Variants in MICU1 observed in about 807,000 individuals in gnomAD.
MICU1 encodes the protein mitochondrial calcium uptake 1, also known as calcium uptake protein 1, mitochondrial.
Under a neutral mutation model 56.8 loss-of-function variants are expected in MICU1, and 45 were observed. The ratio of observed to expected loss-of-function variants is 0.79; its 90% CI spans 0.62 to 1.02. The LOEUF is 1.02. Ranked by LOEUF, MICU1 falls within the 50% of genes least tolerant of loss-of-function variation. MICU1 has a pLI of 0.00. For missense variants in MICU1, 504 were observed against 587.1 expected (o/e 0.86, Z 1.46); for synonymous variants, 186 against 195.1 (o/e 0.95, Z 0.39).
chr10:72,548,845 C>T (rs908933984), intron 4 of MICU1, among the ~76,000 whole-genome samples: 3 of 152,020 alleles, frequency 2.0e-5, no homozygotes, highest in Non-Finnish European at 2.9e-5. Context: ...TACAGGTGTG[C>T]ACCACCACAC....
intron 1 of MICU1, among the ~76,000 whole-genome samples, chr10:72,599,098 G>A (rs1841455409): frequency 6.6e-6 from 1 of 152,058 alleles, no homozygotes; most frequent in Non-Finnish European, 1.5e-5. Flanking sequence ...TTATCCCCAG[G>A]CAGAGCTTCT....
intron 6 of MICU1, among the ~76,000 whole-genome samples, chr10:72,485,528 G>A (rs954940717): frequency 7.3e-5 from 11 of 150,606 alleles, no homozygotes; most frequent in Non-Finnish European, 1.0e-4. Flanking sequence ...CTGTGACGTC[G>A]GTACTATTAA....
intron 1 of MICU1, among the ~76,000 whole-genome samples, chr10:72,581,561 G>A (rs187324847): frequency 6.6e-6 from 1 of 152,140 alleles, no homozygotes; most frequent in East Asian, 1.9e-4. Flanking sequence ...TTGGAAGGTG[G>A]AGGTTGCAGT....
At chr10:72,510,737 G>A (rs1439893896) in intron 5 of MICU1, among the ~76,000 whole-genome samples, 3 of 151,648 alleles carry the variant, frequency 2.0e-5, no homozygotes, top group African/African-American at 4.8e-5. Flanking sequence ...TCTGCCTCCC[G>A]GGTTCAAGCC....
Position 72,498,068 on chromosome 10 carries a change from T to C in MICU1, c.652+10087A>G, listed in dbSNP as rs564095652. Among the ~76,000 whole-genome samples the C allele has an allele frequency of 6.0e-4, 92 of 152,350 alleles. 1 individual carries two copies. Among genetic ancestry groups the C allele is most frequent in the Non-Finnish European group, 1.1e-3 (73 of 68,032 alleles). On this transcript the variant is annotated intron_variant, in intron 6 of 11. Coordinates refer to ENST00000361114, the MANE Select transcript of MICU1 (RefSeq NM_001195518.2). ...AGCTGTTATGGGACACCATCATTCA[T>C]TCATGATTTAATGTGAACATTGCTT...
rs1056303257 is a variant in MICU1 at position 72,375,941 on chromosome 10, T to C, written c.1181-69A>G. ...ATTTTGCTTTCTCTGATTCAGGGGA[T>C]AAAACGACTCAGTCATAATACAAGT... On this transcript the variant is annotated intron_variant, in intron 10 of 11. Transcript: ENST00000361114. 8 of 1,344,876 alleles carry C rather than the reference T, an allele frequency of 5.9e-6. No individual in the cohort carries two copies. In the African/African-American group the frequency reaches 1.2e-4, roughly 20 times the overall value. 83.3% of individuals were successfully genotyped at this position (1,344,876 alleles called of 1,614,324 possible).
chr10:72,422,840 G>C (rs552066757), intron 9 of MICU1, among the ~76,000 whole-genome samples: 3 of 60,728 alleles, frequency 4.9e-5, no homozygotes, highest in African/African-American at 1.7e-4. Flanking sequence ...CCTCTGAGTA[G>C]CTGGGATTAT....
At chr10:72,398,506 C>T (rs1012498999) in intron 10 of MICU1, among the ~76,000 whole-genome samples, 18 of 150,430 alleles carry the variant, frequency 1.2e-4, no homozygotes, top group Non-Finnish European at 4.4e-5. Context: ...ATCTAGGAGC[C>T]GGTTTTTTGA....
intron 10 of MICU1, among the ~76,000 whole-genome samples, chr10:72,389,516 G>T (rs923124204): frequency 3.3e-5 from 5 of 152,154 alleles, no homozygotes; most frequent in Non-Finnish European, 7.3e-5. Flanking sequence ...TAAACTGCAC[G>T]TATAGAATAA....
intron 9 of MICU1, 72 bp downstream of exon 9, chr10:72,423,162 T>C (rs1021306272): frequency 3.2e-6 from 5 of 1,546,966 alleles, no homozygotes; most frequent in Non-Finnish European, 4.4e-6. Context: ...ATCATTATGT[T>C]AATACCTTCA....
At chr10:72,621,878 A>G (rs1842112814) in intron 1 of MICU1, among the ~76,000 whole-genome samples, 1 of 152,132 alleles carries the variant, frequency 6.6e-6, no homozygotes, top group Admixed American at 6.6e-5. Flanking sequence ...TGTAAATACA[A>G]TTTTTTATAT....
At chr10:72,543,326 G>A (rs918022743) in intron 4 of MICU1, among the ~76,000 whole-genome samples, 1 of 152,132 alleles carries the variant, frequency 6.6e-6, no homozygotes, top group African/African-American at 2.4e-5. Flanking sequence ...ATATAACCAT[G>A]TGAAAAATTA....
chr10:72,575,532 C>A (rs761952520), intron 1 of MICU1, among the ~76,000 whole-genome samples: 4 of 152,196 alleles, frequency 2.6e-5, no homozygotes, highest in Non-Finnish European at 5.9e-5. Context: ...CTGTTTCAAA[C>A]AAGTCCATTG....
intron 8 of MICU1, among the ~76,000 whole-genome samples, chr10:72,466,153 CT>C (rs1273567912): frequency 1.3e-5 from 2 of 152,156 alleles, no homozygotes; most frequent in Non-Finnish European, 2.9e-5. Flanking sequence ...AACACAAGCA[CT>C]CCAACACTGC....
At chr10:72,557,719 T>C (rs892564207) in intron 3 of MICU1, among the ~76,000 whole-genome samples, 1 of 152,208 alleles carries the variant, frequency 6.6e-6, no homozygotes. Context: ...AGTGAATGTC[T>C]ACATACACAC....
intron 6 of MICU1, among the ~76,000 whole-genome samples, chr10:72,490,749 A>G (rs1866627075): frequency 6.6e-6 from 1 of 152,114 alleles, no homozygotes; most frequent in Admixed American, 6.6e-5. Flanking sequence ...CTTATTTTAG[A>G]TTGTGTTTAC....
chr10:72,453,973 T>C (rs1865376986), intron 8 of MICU1, among the ~76,000 whole-genome samples: 1 of 152,080 alleles, frequency 6.6e-6, no homozygotes, highest in African/African-American at 2.4e-5. Context: ...GTAGCTGGGA[T>C]TGCAGATGCA....
At chr10:72,486,255 C>T (rs1866471393) in intron 6 of MICU1, among the ~76,000 whole-genome samples, 1 of 152,054 alleles carries the variant, frequency 6.6e-6, no homozygotes, top group African/African-American at 2.4e-5. Context: ...AGAACAAAGG[C>T]CATTTTCAGT....
At chr10:72,421,242 C>G (rs1864161657) in intron 9 of MICU1, among the ~76,000 whole-genome samples, 1 of 151,354 alleles carries the variant, frequency 6.6e-6, no homozygotes, top group Non-Finnish European at 1.5e-5. Flanking sequence ...ATCATCTTTT[C>G]TTTCTTTCTT....
Sources: gnomAD v4.1 joint callset for allele counts (sites outside exome capture counted in the v4.1 genomes callset) on GRCh38, gnomAD v4.1.1 for gene constraint, MANE v1.5 for transcripts, NCBI Gene and HGNC (gene_info 2026-07-23, HGNC 2026-07-21) for gene names.